Variants in NIPBL observed in about 807,000 individuals in gnomAD.
The protein encoded by NIPBL is NIPBL cohesin loading factor, also known as nipped-B-like protein.
NIPBL carries 19 observed loss-of-function variants against 321.8 expected under a neutral mutation model. The observed-to-expected ratio is 0.06, with a 90% CI of 0.04 to 0.09. NIPBL has a LOEUF of 0.09. NIPBL is among the 10% of genes least tolerant of loss of function. The probability of loss-of-function intolerance (pLI) is 1.00; values close to 1 mark genes in which losing one functional copy is unlikely to be tolerated. For missense variants in NIPBL, 2,210 were observed against 3,327.0 expected, an observed-to-expected ratio of 0.66 and a Z score of 8.26; for synonymous variants, 1,106 against 1,114.1, an observed-to-expected ratio of 0.99 and a Z score of 0.14.
intron 42 of NIPBL, among the ~76,000 whole-genome samples, chr5:37,054,608 T>C (rs1421329144): frequency 2.0e-5 from 3 of 152,212 alleles, no homozygotes; most frequent in African/African-American, 7.2e-5. Context: ...TGTCATTGAC[T>C]AGATGTTTTG....
At chr5:36,914,699 A>G (rs1748323388) in intron 1 of NIPBL, among the ~76,000 whole-genome samples, 1 of 152,214 alleles carries the variant, frequency 6.6e-6, no homozygotes, top group Non-Finnish European at 1.5e-5. Context: ...AAGAATTGAC[A>G]CTCAACCTGA....
In NIPBL at chr5:36,976,134, T is replaced by C; in HGVS notation, c.1227T>C (p.Asp409=). ...CAAAAACACCCATTACTCCACAAGA[T>C]ATAAACCGCCCACTAAATGCTGCTC... ...QTSKTPITPQ[D]INRPLNAAQC... Residue 409 remains aspartate (D), a synonymous_variant, in exon 9 of 47, where the codon GAT becomes GAC. Transcript: ENST00000282516. The C allele has an allele frequency of 6.2e-7, 1 of 1,613,848 alleles. No homozygotes were observed. The highest frequency in any genetic ancestry group is 8.5e-7 in the Non-Finnish European group (1 of 1,179,822).
chr5:36,958,828 T>A (rs1167204471), intron 4 of NIPBL, among the ~76,000 whole-genome samples: 1 of 152,190 alleles, frequency 6.6e-6, no homozygotes, highest in East Asian at 1.9e-4. Flanking sequence ...CCCAAGTGCC[T>A]GTTTGGCTCT....
chr5:36,932,629 A>G (rs1365306285), intron 1 of NIPBL, among the ~76,000 whole-genome samples: 2 of 152,072 alleles, frequency 1.3e-5, no homozygotes, highest in African/African-American at 4.8e-5. Flanking sequence ...TTGAACCAAT[A>G]TGATAGTTTT....
At chr5:36,984,323 AG>A (rs918417776) in intron 9 of NIPBL, among the ~76,000 whole-genome samples, 9 of 152,110 alleles carry the variant, frequency 5.9e-5, no homozygotes, top group African/African-American at 2.2e-4. Flanking sequence ...CTTTATTATT[AG>A]GAAAAGAATC....
chr5:36,964,649 A>G (rs562092951), intron 6 of NIPBL, among the ~76,000 whole-genome samples: 5 of 152,290 alleles, frequency 3.3e-5, no homozygotes, highest in African/African-American at 4.8e-5. Flanking sequence ...ATTTCAAAAT[A>G]TAGGCAACCA....
chr5:37,027,138 A>T (rs1276992410), intron 31 of NIPBL, among the ~76,000 whole-genome samples: 2 of 152,188 alleles, frequency 1.3e-5, no homozygotes, highest in Admixed American at 6.6e-5. Context: ...ATTAAACCTC[A>T]ATACATTAAA....
At chr5:36,882,550 G>C (rs1211702607) in intron 1 of NIPBL, among the ~76,000 whole-genome samples, 1 of 151,910 alleles carries the variant, frequency 6.6e-6, no homozygotes, top group East Asian at 1.9e-4. Flanking sequence ...TGTGTATCAT[G>C]ATTTGAACCA....
chr5:36,952,053 T>TGTGTGTGTGTGTGTGTGCGTGCGCGC (rs778597604), intron 1 of NIPBL, among the ~76,000 whole-genome samples: 2 of 112,114 alleles, frequency 1.8e-5, no homozygotes, highest in Non-Finnish European at 3.7e-5. Context: ...TGTGTGTGTG[T>TGTGTGTGTGTGTGTGTGCGTGCGCGC]GCGCGCGCGC....
intron 1 of NIPBL, chr5:36,886,317 C>G (rs1358690679): frequency 7.3e-6 from 5 of 685,542 alleles, no homozygotes; most frequent in Non-Finnish European, 1.3e-5. Flanking sequence ...ACATCAAGGT[C>G]AAGCTGGAGG....
intron 11 of NIPBL, among the ~76,000 whole-genome samples, chr5:36,997,700 A>G (rs909341964): frequency 1.3e-5 from 2 of 152,228 alleles, no homozygotes. Flanking sequence ...CTATACAAGT[A>G]ACTATAGAAA....
At chr5:36,939,017 T>G (rs967750112) in intron 1 of NIPBL, among the ~76,000 whole-genome samples, 2 of 151,936 alleles carry the variant, frequency 1.3e-5, no homozygotes, top group African/African-American at 4.9e-5. Context: ...TGTTGTTTGT[T>G]TTTTTCACAG....
intron 4 of NIPBL, among the ~76,000 whole-genome samples, chr5:36,959,650 A>C (rs1410666023): frequency 6.6e-6 from 1 of 152,224 alleles, no homozygotes; most frequent in Non-Finnish European, 1.5e-5. Context: ...GAATGTGAGT[A>C]AATCTAATAT....
At position 36,979,327 on chromosome 5, in the gene NIPBL, G is replaced by A. The variant is rs533507364; in HGVS notation, c.1495+2925G>A. Among the ~76,000 whole-genome samples the A allele has an allele frequency of 1.3e-4, 19 of 151,866 alleles. No homozygotes were observed. The South Asian group carries it at 3.3e-3, about 27-fold the overall frequency. On this transcript the variant is annotated intron_variant, in intron 9 of 46. Transcript: ENST00000282516. Reference sequence around the variant, plus strand: ...ACTCCTTGTTTAAATGTATTCCTAGGTATTTTATTTTGTGTGTGTGGCTAT... The same window carrying A: ...ACTCCTTGTTTAAATGTATTCCTAGATATTTTATTTTGTGTGTGTGGCTAT...
intron 37 of NIPBL, 130 bp downstream of exon 37, chr5:37,045,727 G>T (rs2149733008): frequency 9.9e-7 from 1 of 1,006,126 alleles, no homozygotes; most frequent in East Asian, 2.4e-5. Context: ...TCTGAAAACA[G>T]TGCTGCTCAA....
chr5:36,971,709 T>C, intron 7 of NIPBL: 1 of 541,062 alleles, frequency 1.8e-6, no homozygotes, highest in Non-Finnish European at 2.4e-6. Context: ...AAATGGAGCA[T>C]ACTAGTAATA....
intron 1 of NIPBL, among the ~76,000 whole-genome samples, chr5:36,891,336 A>T (rs1424795549): frequency 6.6e-6 from 1 of 152,246 alleles, no homozygotes; most frequent in East Asian, 1.9e-4. Context: ...GTTTATAGAC[A>T]GGTAAACAGA....
intron 16 of NIPBL, among the ~76,000 whole-genome samples, chr5:37,004,521 C>T (rs965225985): frequency 2.0e-5 from 3 of 151,914 alleles, no homozygotes; most frequent in African/African-American, 7.3e-5. Context: ...CCTCCCACCT[C>T]AGCCTCCCAA....
At chr5:37,010,813 G>A (rs76233514) in intron 21 of NIPBL, among the ~76,000 whole-genome samples, 15,966 of 152,164 alleles carry the variant, frequency 0.1, 1,122 homozygotes, top group Admixed American at 0.18. Flanking sequence ...GGTTGTAAGG[G>A]TCAGTGAGAT....
Sources: allele counts gnomAD v4.1 joint callset (sites outside exome capture counted in the v4.1 genomes callset), GRCh38; gene constraint gnomAD v4.1.1; transcripts MANE v1.5; gene names NCBI Gene and HGNC (gene_info 2026-07-23, HGNC 2026-07-21).